Variants in GABRA2 observed in about 807,000 individuals in gnomAD.
GABRA2 encodes the protein gamma-aminobutyric acid receptor subunit alpha-2.
GABRA2 carries 16 observed loss-of-function variants against 48.7 expected under a neutral mutation model. That is an observed-to-expected ratio of 0.33 (90% CI 0.22 to 0.50). The LOEUF is 0.50. GABRA2 is among the 20% of genes least tolerant of loss of function. The probability of loss-of-function intolerance (pLI) is 0.98; values close to 1 mark genes in which losing one functional copy is unlikely to be tolerated. For missense variants in GABRA2, 275 were observed against 535.6 expected (o/e 0.51, Z 4.80); for synonymous variants, 185 against 184.5 (o/e 1.00, Z -0.02).
chr4:46,377,883 A>G (rs1344447138), intron 3 of GABRA2, among the ~76,000 whole-genome samples: 1 of 149,388 alleles, frequency 6.7e-6, no homozygotes, highest in African/African-American at 2.5e-5. Flanking sequence ...CCGCCCAGCT[A>G]GCCGCCCCGT....
chr4:46,296,575 G>T (rs1445730213), intron 8 of GABRA2, among the ~76,000 whole-genome samples: 2 of 147,756 alleles, frequency 1.4e-5, no homozygotes, highest in Non-Finnish European at 3.0e-5. Context: ...TAAGGTCAAT[G>T]GGAAATTATA....
intron 3 of GABRA2, among the ~76,000 whole-genome samples, chr4:46,384,775 G>A (rs1037043667): frequency 6.6e-5 from 10 of 152,044 alleles, no homozygotes; most frequent in African/African-American, 2.2e-4. Context: ...TGTTAACCTG[G>A]ATAGTAATTC....
chr4:46,308,197 A>T (rs1727035230), intron 6 of GABRA2, among the ~76,000 whole-genome samples: 1 of 152,210 alleles, frequency 6.6e-6, no homozygotes, highest in Non-Finnish European at 1.5e-5. Context: ...TGAATAGAAT[A>T]TCCCTAGACT....
chr4:46,313,939 T>A (rs576896516), intron 4 of GABRA2, among the ~76,000 whole-genome samples: 2 of 152,258 alleles, frequency 1.3e-5, no homozygotes, highest in African/African-American at 4.8e-5. Context: ...ATCAAATACA[T>A]GAATCCCAGT....
chr4:46,366,968 T>C (rs1714135455), intron 3 of GABRA2: 2 of 152,086 alleles, frequency 1.3e-5, no homozygotes, highest in Admixed American at 6.6e-5. Flanking sequence ...CAGTGTTGTA[T>C]GCATTACAGA....
intron 3 of GABRA2, among the ~76,000 whole-genome samples, chr4:46,337,116 G>T (rs1386227083): frequency 6.6e-6 from 1 of 151,996 alleles, no homozygotes; most frequent in African/African-American, 2.4e-5. Context: ...AAAAACATCT[G>T]CCTGTGAAAG....
intron 6 of GABRA2, among the ~76,000 whole-genome samples, chr4:46,309,779 A>C (rs1375616516): frequency 6.6e-6 from 1 of 152,116 alleles, no homozygotes; most frequent in Non-Finnish European, 1.5e-5. Context: ...TGTGCATGTC[A>C]TTTGCAACAG....
chr4:46,375,857 G>A (rs940573601), intron 3 of GABRA2, among the ~76,000 whole-genome samples: 9 of 152,222 alleles, frequency 5.9e-5, no homozygotes, highest in South Asian at 2.1e-4. Context: ...AATAGTACCC[G>A]GCAAATCCTA....
rs998502172 is a variant in GABRA2 at position 46,246,090 on chromosome 4, G to A, written c.*4218C>T. Among the ~76,000 whole-genome samples the A allele has an allele frequency of 3.3e-5, 5 of 150,578 alleles. No homozygotes were observed. Among genetic ancestry groups the A allele is most frequent in the African/African-American group, 1.2e-4 (5 of 41,234 alleles). ...GAACTTTCTCTACTTTAGTATTTTA[G>A]TTATGATGCTTACTATGATAGAATA... On this transcript the variant is annotated 3_prime_UTR_variant, in exon 10 of 10. Coordinates refer to ENST00000381620, the MANE Select transcript of GABRA2 (RefSeq NM_000807.4).
chr4:46,360,415 G>A lies in GABRA2; in HGVS notation c.187+25659C>T, dbSNP rs550679576. 4.1e-4 allele frequency among the ~76,000 whole-genome samples: 62 copies of A among 152,310 alleles called. No homozygotes were observed. In the South Asian group the frequency reaches 0.012, roughly 29 times the overall value. ...AGATCTGACGGTTTTAAAAACAGGA[G>A]TTTCCCTGCACAAGCTCTCTCCCTG... On this transcript the variant is annotated intron_variant, in intron 3 of 9. Coordinates refer to ENST00000381620, the MANE Select transcript of GABRA2 (RefSeq NM_000807.4).
intron 3 of GABRA2, chr4:46,365,000 G>T (rs1578182416): frequency 6.6e-6 from 1 of 152,064 alleles, no homozygotes; most frequent in East Asian, 1.9e-4. Context: ...ATTTTAAAAG[G>T]TTACCTTTTT....
chr4:46,273,355 C>T (rs1465229058), intron 8 of GABRA2, among the ~76,000 whole-genome samples: 1 of 145,978 alleles, frequency 6.9e-6, no homozygotes, highest in African/African-American at 2.5e-5. Context: ...TCTGTCCTCA[C>T]TTTCTTCTTT....
chr4:46,281,339 C>A (rs1278428006), intron 8 of GABRA2, among the ~76,000 whole-genome samples: 1 of 151,958 alleles, frequency 6.6e-6, no homozygotes, highest in East Asian at 1.9e-4. Flanking sequence ...ACAATAAAGG[C>A]TGAGATAAAT....
At chr4:46,300,997 A>G (rs1577967833) in intron 8 of GABRA2, among the ~76,000 whole-genome samples, 1 of 152,146 alleles carries the variant, frequency 6.6e-6, no homozygotes, top group Non-Finnish European at 1.5e-5. Flanking sequence ...TCAGATTAAT[A>G]ATAAGAATAA....
intron 3 of GABRA2, among the ~76,000 whole-genome samples, chr4:46,355,410 T>C (rs757717636): frequency 2.0e-5 from 3 of 152,172 alleles, no homozygotes; most frequent in Non-Finnish European, 4.4e-5. Context: ...GTCCTTTCCT[T>C]TGCAAACTCA....
Position 46,335,206 on chromosome 4 carries a change from G to A in GABRA2, c.188-2524C>T, listed in dbSNP as rs115120993. Among the ~76,000 whole-genome samples, 918 of 152,176 alleles carry A rather than the reference G, an allele frequency of 6.0e-3. 11 individuals are homozygous for A. Among genetic ancestry groups the A allele is most frequent in the African/African-American group, 0.021 (853 of 41,532 alleles). ...GGAAGGCTAGGGAGATTATATGAAT[G>A]TAGGCTATTTCCAGTAGAATACAGG... On this transcript the variant is annotated intron_variant, in intron 3 of 9. Coordinates refer to ENST00000381620, the MANE Select transcript of GABRA2 (RefSeq NM_000807.4).
At chr4:46,331,629 AT>A (rs1731381525) in intron 4 of GABRA2, among the ~76,000 whole-genome samples, 1 of 152,158 alleles carries the variant, frequency 6.6e-6, no homozygotes, top group South Asian at 2.1e-4. Context: ...TGATTATTAA[AT>A]TTTTAATGCT....
intron 3 of GABRA2, among the ~76,000 whole-genome samples, chr4:46,370,029 T>C (rs1375434089): frequency 6.6e-6 from 1 of 152,090 alleles, no homozygotes; most frequent in Non-Finnish European, 1.5e-5. Flanking sequence ...TCAGTGAATC[T>C]GGACCACCAC....
intron 3 of GABRA2, among the ~76,000 whole-genome samples, chr4:46,357,904 C>T (rs1736265796): frequency 2.6e-5 from 4 of 151,916 alleles, no homozygotes; most frequent in African/African-American, 7.3e-5. Context: ...GTGATCCACC[C>T]ACCTCTGCCT....
Sources: gnomAD v4.1 joint callset for allele counts (sites outside exome capture counted in the v4.1 genomes callset) on GRCh38, gnomAD v4.1.1 for gene constraint, MANE v1.5 for transcripts, NCBI Gene and HGNC (gene_info 2026-07-23, HGNC 2026-07-21) for gene names.